Variants in DCC observed in about 807,000 individuals in gnomAD.
The protein encoded by DCC is netrin receptor DCC.
Under a neutral mutation model 172.5 loss-of-function variants are expected in DCC, and 58 were observed. The observed-to-expected ratio is 0.34, with a 90% confidence interval of 0.27 to 0.42. The LOEUF (loss-of-function observed/expected upper bound fraction) is 0.42, where lower values mean the gene tolerates loss of function less well. DCC is among the 10% of genes least tolerant of loss of function. The probability of loss-of-function intolerance (pLI) is 1.00; values close to 1 mark genes in which losing one functional copy is unlikely to be tolerated. For missense variants in DCC, 1,740 were observed against 1,791.0 expected (o/e 0.97, Z 0.51); for synonymous variants, 709 against 644.5 (o/e 1.10, Z -1.52).
At chr18:52,408,229 C>G (rs1448183994) in intron 1 of DCC, among the ~76,000 whole-genome samples, 2 of 151,976 alleles carry the variant, frequency 1.3e-5, no homozygotes, top group African/African-American at 2.4e-5. Flanking sequence ...GTCTAGCTGT[C>G]AAAATCCAGA....
chr18:53,169,540 C>T (rs889929038), intron 8 of DCC, among the ~76,000 whole-genome samples: 1 of 152,156 alleles, frequency 6.6e-6, no homozygotes, highest in Non-Finnish European at 1.5e-5. Context: ...CTCCACCACA[C>T]TGCCAACTTA....
chr18:52,897,049 A>T (rs1429243459), intron 2 of DCC, among the ~76,000 whole-genome samples: 1 of 152,176 alleles, frequency 6.6e-6, no homozygotes, highest in African/African-American at 2.4e-5. Flanking sequence ...GCCAGCTAAG[A>T]AATAACCTAG....
rs940454128 is a variant in DCC, at chr18:53,250,943, G to A, written c.1911+35346G>A. On this transcript the variant is annotated intron_variant, in intron 12 of 28. Coordinates refer to ENST00000442544, the MANE Select transcript of DCC (RefSeq NM_005215.4). ...CCGTGACCTCTATGCTGTTCTTTCC[G>A]AACAGATGAGCCTTGTTGTGCATGG... Among the ~76,000 whole-genome samples the A allele has an allele frequency of 4.6e-5, 7 of 151,854 alleles. No homozygotes were observed. In the East Asian group the frequency reaches 9.7e-4, roughly 21 times the overall value.
intron 1 of DCC, among the ~76,000 whole-genome samples, chr18:52,741,078 T>C (rs959151127): frequency 5.3e-5 from 8 of 152,200 alleles, no homozygotes; most frequent in Admixed American, 3.9e-4. Context: ...TGCTGGGAGC[T>C]TTCTTTTGCA....
intron 1 of DCC, among the ~76,000 whole-genome samples, chr18:52,467,583 A>C (rs1988823625): frequency 6.6e-6 from 1 of 152,196 alleles, no homozygotes; most frequent in Non-Finnish European, 1.5e-5. Flanking sequence ...TTGCTGGGTC[A>C]AATGGTATTT....
chr18:52,355,136 T>C (rs1984302592), intron 1 of DCC, among the ~76,000 whole-genome samples: 1 of 152,122 alleles, frequency 6.6e-6, no homozygotes, highest in African/African-American at 2.4e-5. Flanking sequence ...TCCTGAAGAC[T>C]TGAGTGAGTC....
At chr18:52,709,468 G>A (rs1424609170) in intron 1 of DCC, among the ~76,000 whole-genome samples, 1 of 152,120 alleles carries the variant, frequency 6.6e-6, no homozygotes, top group Admixed American at 6.5e-5. Context: ...AAATCTATAG[G>A]GTACAGAAGG....
intron 11 of DCC, 75 bp from the exon 12 acceptor site, chr18:53,215,473 C>T: frequency 8.3e-7 from 1 of 1,200,740 alleles, no homozygotes; most frequent in Non-Finnish European, 1.2e-6. Context: ...ACCACACTCT[C>T]TTTTTACTAG....
rs1330722397 is a variant in DCC at position 53,351,314 on chromosome 18, T to TATATATATAC, written c.2359+11408_2359+11409insTATATATACA. Among the ~76,000 whole-genome samples, 4 of 18,248 alleles carry TATATATATAC rather than the reference T, an allele frequency of 2.2e-4. 1 individual carries two copies. The highest frequency in any genetic ancestry group is 6.1e-4 in the Non-Finnish European group (4 of 6,538). 12.0% of individuals were successfully genotyped at this position (18,248 alleles called of 152,430 possible). On this transcript the variant is annotated intron_variant, in intron 15 of 28. Transcript: ENST00000442544. The stretch of plus-strand genomic sequence containing the variant: ...CAGTATATATATATATATATATATA[T>TATATATATAC]ACACTGTATATATATATACAGTGTA...
chr18:52,375,584 A>G (rs770061210), intron 1 of DCC, among the ~76,000 whole-genome samples: 41 of 152,182 alleles, frequency 2.7e-4, no homozygotes, highest in Admixed American at 1.2e-3. Context: ...TGGACCAGCT[A>G]TGGGAGTCTT....
chr18:52,808,755 T>C (rs1015942856), intron 2 of DCC, among the ~76,000 whole-genome samples: 3 of 152,164 alleles, frequency 2.0e-5, no homozygotes, highest in African/African-American at 7.2e-5. Flanking sequence ...GCTGGGTAAA[T>C]AAGGGTGTCC....
At chr18:53,484,964 T>C (rs959681673) in intron 25 of DCC, among the ~76,000 whole-genome samples, 2 of 151,886 alleles carry the variant, frequency 1.3e-5, no homozygotes, top group African/African-American at 4.8e-5. Flanking sequence ...AGATAGAGAA[T>C]GAAACAGTGG....
chr18:53,057,865 C>T (rs142834533), intron 5 of DCC, among the ~76,000 whole-genome samples: 2 of 152,128 alleles, frequency 1.3e-5, no homozygotes, highest in East Asian at 3.9e-4. Context: ...CAGGCTCCAT[C>T]TTTAAGAACC....
chr18:52,397,724 G>A (rs1470270749), intron 1 of DCC, among the ~76,000 whole-genome samples: 1 of 151,972 alleles, frequency 6.6e-6, no homozygotes, highest in Non-Finnish European at 1.5e-5. Flanking sequence ...AATAATAGGA[G>A]CCATTGCCAT....
chr18:53,215,694 T>G (rs1411840880), intron 12 of DCC, 97 bp downstream of exon 12: 5 of 960,164 alleles, frequency 5.2e-6, no homozygotes, highest in Non-Finnish European at 8.6e-6. Flanking sequence ...TACAGGATAG[T>G]GGCTTCCATG....
chr18:53,160,523 C>G (rs1041821743), intron 8 of DCC, among the ~76,000 whole-genome samples: 1 of 152,178 alleles, frequency 6.6e-6, no homozygotes, highest in Non-Finnish European at 1.5e-5. Flanking sequence ...CAAAAACCAA[C>G]TCAAGTAAAT....
chr18:52,916,013 A>G (rs534503298), intron 3 of DCC, among the ~76,000 whole-genome samples: 1 of 151,408 alleles, frequency 6.6e-6, no homozygotes, highest in African/African-American at 2.4e-5. Flanking sequence ...TGAGTTTTTT[A>G]CCATGTTGGC....
intron 7 of DCC, among the ~76,000 whole-genome samples, chr18:53,082,180 T>C (rs2042816749): frequency 6.6e-6 from 1 of 152,088 alleles, no homozygotes; most frequent in Admixed American, 6.6e-5. Context: ...CATGTACAGG[T>C]TTTGTGGGTT....
intron 8 of DCC, among the ~76,000 whole-genome samples, chr18:53,167,620 T>C (rs1392573378): frequency 1.3e-5 from 2 of 152,204 alleles, no homozygotes; most frequent in African/African-American, 2.4e-5. Flanking sequence ...TAAAAAATTA[T>C]GAGCCCCAGC....
Sources: gnomAD v4.1 joint callset for allele counts (sites outside exome capture counted in the v4.1 genomes callset) on GRCh38, gnomAD v4.1.1 for gene constraint, MANE v1.5 for transcripts, NCBI Gene and HGNC (gene_info 2026-07-23, HGNC 2026-07-21) for gene names.